GFRAL: variants seen among roughly 807,000 people sequenced by gnomAD.
GFRAL encodes the protein GDNF family receptor alpha like.
In GFRAL, 36 loss-of-function variants were observed where a neutral mutation model predicts 45.4. The ratio of observed to expected loss-of-function variants is 0.79; its 90% CI spans 0.61 to 1.05. The LOEUF is 1.05. GFRAL is among the 50% of genes least tolerant of loss of function. The pLI, the probability that GFRAL is intolerant of heterozygous loss-of-function variation, is 0.00. For synonymous variants in GFRAL, 166 were observed against 154.1 expected (o/e 1.08, Z -0.57); for missense variants, 507 against 467.5 (o/e 1.08, Z -0.78).
chr6:55,356,171 C>T (rs1258969086), intron 5 of GFRAL, among the ~76,000 whole-genome samples: 1 of 151,676 alleles, frequency 6.6e-6, no homozygotes, highest in Non-Finnish European at 1.5e-5. Flanking sequence ...GGAAAATTGT[C>T]CTGTAGTTTA....
At position 55,347,385 on chromosome 6, in the gene GFRAL, G is replaced by A. The variant is rs533617548; in HGVS notation, c.317-2707G>A. Among the ~76,000 whole-genome samples, 5 of 152,190 alleles carry A rather than the reference G, an allele frequency of 3.3e-5. No individual in the cohort carries two copies. In the South Asian group the frequency reaches 1.0e-3, roughly 32 times the overall value. Reference sequence around the variant, plus strand: ...TGTCGGTGAAGGTCATAAGAGCTATGGTTAAGGAATTCTGAATTAAGGGTG... The same window carrying A: ...TGTCGGTGAAGGTCATAAGAGCTATAGTTAAGGAATTCTGAATTAAGGGTG... On this transcript the variant is annotated intron_variant, in intron 3 of 8. Transcript: ENST00000340465.
intron 3 of GFRAL, among the ~76,000 whole-genome samples, chr6:55,349,728 A>G (rs116343026): frequency 0.013 from 2,014 of 151,512 alleles, 25 homozygotes; most frequent in Non-Finnish European, 0.022. Context: ...TATGCTGGGC[A>G]GGGTGGGAGG....
intron 6 of GFRAL, among the ~76,000 whole-genome samples, chr6:55,397,311 G>T (rs4715540): frequency 0.29 from 40,121 of 140,664 alleles, 7,382 homozygotes; most frequent in Admixed American, 0.45. Flanking sequence ...GAGGTCAGGA[G>T]ATCGAGACCA....
intron 6 of GFRAL, among the ~76,000 whole-genome samples, chr6:55,377,276 A>C (rs1768547937): frequency 6.6e-6 from 1 of 151,992 alleles, no homozygotes; most frequent in African/African-American, 2.4e-5. Context: ...CCCTACTTCA[A>C]GGTGTCAATT....
At position 55,394,537 on chromosome 6, in the gene GFRAL, T is replaced by C. The variant is rs772690265; in HGVS notation, c.953-4643T>C. On this transcript the variant is annotated intron_variant, in intron 6 of 8. Coordinates refer to ENST00000340465, the MANE Select transcript of GFRAL (RefSeq NM_207410.2). The stretch of plus-strand genomic sequence containing the variant: ...GTTTGGAAATGTAAAGTGAAATGGG[T>C]TGAGGATCAGAGACAATTATCAAGA... 5.9e-5 allele frequency among the ~76,000 whole-genome samples: 9 copies of C among 152,094 alleles called. No individual in the cohort carries two copies. In the East Asian group the frequency reaches 7.7e-4, roughly 13 times the overall value.
intron 6 of GFRAL, among the ~76,000 whole-genome samples, chr6:55,372,926 G>T (rs113343058): frequency 4.6e-5 from 7 of 152,014 alleles, no homozygotes; most frequent in African/African-American, 1.7e-4. Flanking sequence ...CATCAGCCGC[G>T]AACTCAAAGC....
At chr6:55,344,531 G>A (rs188863620) in intron 3 of GFRAL, among the ~76,000 whole-genome samples, 1,984 of 152,186 alleles carry the variant, frequency 0.013, 23 homozygotes, top group Non-Finnish European at 0.022. Context: ...GGTATTGATG[G>A]GATGTATCTC....
intron 6 of GFRAL, among the ~76,000 whole-genome samples, chr6:55,384,562 C>T (rs1346036239): frequency 6.6e-6 from 1 of 152,052 alleles, no homozygotes; most frequent in Non-Finnish European, 1.5e-5. Flanking sequence ...TGATTTTCAG[C>T]ATCAAGCACA....
Position 55,351,383 on chromosome 6 carries a change from C to T in GFRAL, c.501C>T (p.Cys167=), listed in dbSNP as rs2127355301. Residue 167 remains cysteine, a synonymous_variant, in exon 5 of 9, where the codon TGC becomes TGT. Coordinates refer to ENST00000340465, the MANE Select transcript of GFRAL (RefSeq NM_207410.2). Reference sequence around the variant, plus strand: ...GAAATCCGTGTGATCTGAAACAGTGCCAAGCAGCCATACGGTTCTTCTATC... The same window carrying T: ...GAAATCCGTGTGATCTGAAACAGTGTCAAGCAGCCATACGGTTCTTCTATC... The part of the protein sequence containing the change: ...ANGNPCDLKQ[C]QAAIRFFYQN... 1 of 1,613,570 alleles carries T rather than the reference C, an allele frequency of 6.2e-7. No homozygotes were observed. Among genetic ancestry groups the T allele is most frequent in the East Asian group, 2.2e-5 (1 of 44,852 alleles).
intron 6 of GFRAL, among the ~76,000 whole-genome samples, chr6:55,364,673 C>T (rs1768333116): frequency 6.6e-6 from 1 of 151,248 alleles, no homozygotes; most frequent in Non-Finnish European, 1.5e-5. Context: ...CCAGTTTTCC[C>T]AGCACCATTT....
intron 6 of GFRAL, among the ~76,000 whole-genome samples, chr6:55,392,377 C>T (rs969726497): frequency 2.0e-5 from 3 of 152,156 alleles, no homozygotes; most frequent in African/African-American, 4.8e-5. Flanking sequence ...ACATAGGTAA[C>T]CTTTACTTGG....
intron 6 of GFRAL, among the ~76,000 whole-genome samples, chr6:55,384,695 A>G (rs1248996119): frequency 1.3e-5 from 2 of 152,058 alleles, no homozygotes; most frequent in African/African-American, 4.8e-5. Context: ...GTTGTTTAAC[A>G]TCTAAGTCAA....
intron 3 of GFRAL, among the ~76,000 whole-genome samples, chr6:55,338,694 G>A (rs970943831): frequency 6.6e-5 from 10 of 152,134 alleles, no homozygotes; most frequent in Non-Finnish European, 4.4e-5. Context: ...TCATTAGGTA[G>A]GCAAAACAAA....
intron 3 of GFRAL, among the ~76,000 whole-genome samples, chr6:55,334,385 AATTGCTAGAGTTAT>A (rs1274782601): frequency 1.3e-5 from 2 of 152,310 alleles, no homozygotes; most frequent in East Asian, 3.9e-4. Flanking sequence ...AAATGTAACT[AATTGCTAGAGTTAT>A]ACTTGCCTTT....
intron 5 of GFRAL, among the ~76,000 whole-genome samples, chr6:55,353,567 T>C (rs1305173578): frequency 6.6e-6 from 1 of 152,094 alleles, no homozygotes; most frequent in African/African-American, 2.4e-5. Flanking sequence ...TTATTTTTCT[T>C]GAGTGAATAA....
rs1277573883 is a variant in GFRAL, at chr6:55,338,262, G to A, written c.316+4318G>A. Among the ~76,000 whole-genome samples the A allele has an allele frequency of 2.0e-5, 3 of 151,870 alleles. No individual in the cohort carries two copies. The East Asian group carries it at 5.8e-4, about 29-fold the overall frequency. ...TTGCCACCACACCTGGCTGATTTTT[G>A]TATTTTTAGTAGAGACATGGTTTTG... On this transcript the variant is annotated intron_variant, in intron 3 of 8. Coordinates refer to ENST00000340465, the MANE Select transcript of GFRAL (RefSeq NM_207410.2).
chr6:55,335,168 C>G (rs1337994680), intron 3 of GFRAL, among the ~76,000 whole-genome samples: 1 of 152,050 alleles, frequency 6.6e-6, no homozygotes, highest in Non-Finnish European at 1.5e-5. Flanking sequence ...CATTTTTTTG[C>G]CATTCTAATA....
chr6:55,385,777 A>G (rs1208279738), intron 6 of GFRAL, among the ~76,000 whole-genome samples: 2 of 152,134 alleles, frequency 1.3e-5, no homozygotes, highest in Non-Finnish European at 2.9e-5. Context: ...AATATAAAGA[A>G]GAGCCTAAGA....
intron 6 of GFRAL, among the ~76,000 whole-genome samples, chr6:55,382,420 A>G (rs1329714913): frequency 6.6e-6 from 1 of 151,992 alleles, no homozygotes; most frequent in African/African-American, 2.4e-5. Flanking sequence ...GATTTATAAT[A>G]AACTCTACAA....
Sources: gnomAD v4.1 joint callset for allele counts (sites outside exome capture counted in the v4.1 genomes callset) on GRCh38, gnomAD v4.1.1 for gene constraint, MANE v1.5 for transcripts, NCBI Gene and HGNC (gene_info 2026-07-23, HGNC 2026-07-21) for gene names.